CACNA2D3: variants seen among roughly 807,000 people sequenced by gnomAD.
CACNA2D3 encodes calcium voltage-gated channel auxiliary subunit alpha2delta 3.
A neutral mutation model predicts 160.6 loss-of-function variants in CACNA2D3; 60 were observed. The ratio of observed to expected loss-of-function variants is 0.37; its 90% CI spans 0.30 to 0.46. The LOEUF is 0.46. CACNA2D3 is among the 20% of genes least tolerant of loss of function. The probability of loss-of-function intolerance (pLI) is 1.00; values close to 1 mark genes in which losing one functional copy is unlikely to be tolerated. For missense variants in CACNA2D3, 1,205 were observed against 1,365.0 expected (o/e 0.88, Z 1.85); for synonymous variants, 558 against 492.9 (o/e 1.13, Z -1.75).
rs1335728445 is a variant in CACNA2D3, at chr3:54,538,046, A to G, written c.545-24754A>G. On this transcript the variant is annotated intron_variant, in intron 5 of 37. Transcript: ENST00000474759. ...GTGCTCCACCCTGCACAGTCACGTG[A>G]GTGTCCACCTGGGGAGTAGAACTCA... is the stretch of plus-strand genomic sequence containing the variant. 2.0e-5 allele frequency among the ~76,000 whole-genome samples: 3 copies of G among 152,204 alleles called. No individual in the cohort carries two copies. The East Asian group carries it at 5.8e-4, about 29-fold the overall frequency.
intron 4 of CACNA2D3, among the ~76,000 whole-genome samples, chr3:54,393,960 G>T (rs570929535): frequency 6.6e-6 from 1 of 152,274 alleles, no homozygotes; most frequent in Non-Finnish European, 1.5e-5. Flanking sequence ...TTGCCATTTT[G>T]GGTACCTTGT....
At chr3:54,562,761 T>C in intron 5 of CACNA2D3, 39 bp from the exon 6 acceptor site, 1 of 1,581,780 alleles carries the variant, frequency 6.3e-7, no homozygotes, top group Non-Finnish European at 8.6e-7. Context: ...TTCACTTTGG[T>C]TTCTAATACA....
At chr3:54,227,848 C>T (rs1701702583) in intron 2 of CACNA2D3, among the ~76,000 whole-genome samples, 1 of 152,192 alleles carries the variant, frequency 6.6e-6, no homozygotes, top group South Asian at 2.1e-4. Flanking sequence ...TGCACCCGGC[C>T]TGTCCACGTC....
chr3:54,813,655 C>CA (rs1005813241), intron 13 of CACNA2D3, among the ~76,000 whole-genome samples: 23 of 152,070 alleles, frequency 1.5e-4, no homozygotes, highest in Non-Finnish European at 3.4e-4. Flanking sequence ...AGGGAAGTAC[C>CA]AGTCACAGGT....
chr3:54,583,362 G>A (rs1158507799), intron 9 of CACNA2D3, among the ~76,000 whole-genome samples: 2 of 152,164 alleles, frequency 1.3e-5, no homozygotes, highest in African/African-American at 4.8e-5. Flanking sequence ...TTGCCTTTGA[G>A]TTTATGGATA....
intron 27 of CACNA2D3, among the ~76,000 whole-genome samples, chr3:54,936,177 A>C (rs1218688921): frequency 6.6e-6 from 1 of 151,916 alleles, no homozygotes; most frequent in Non-Finnish European, 1.5e-5. Context: ...AAAAAAAAAA[A>C]TCTTTTGCAC....
chr3:55,065,778 T>C (rs1271496656), intron 35 of CACNA2D3, among the ~76,000 whole-genome samples: 1 of 151,902 alleles, frequency 6.6e-6, no homozygotes, highest in Non-Finnish European at 1.5e-5. Context: ...AAAAAAATTG[T>C]TTCATGTTTC....
At chr3:54,382,144 A>C (rs904909147) in intron 3 of CACNA2D3, among the ~76,000 whole-genome samples, 3 of 152,196 alleles carry the variant, frequency 2.0e-5, no homozygotes, top group Non-Finnish European at 4.4e-5. Flanking sequence ...ACAATTCTAT[A>C]ATCCCATCTG....
chr3:54,933,060 CCTTCCTTCCTT>C (rs1701237460), intron 27 of CACNA2D3, among the ~76,000 whole-genome samples: 1 of 7,594 alleles, frequency 1.3e-4, no homozygotes, highest in Non-Finnish European at 2.5e-4. Context: ...TCCCTTCCTT[CCTTCCTTCCTT>C]CCTTCCTTCC....
At chr3:54,370,529 C>T (rs145109628) in intron 3 of CACNA2D3, among the ~76,000 whole-genome samples, 31 of 152,230 alleles carry the variant, frequency 2.0e-4, no homozygotes, top group Admixed American at 1.9e-3. Context: ...CCCTGGTGAG[C>T]GGATGAGAAC....
At chr3:54,301,989 G>A (rs967391515) in intron 2 of CACNA2D3, among the ~76,000 whole-genome samples, 15 of 152,142 alleles carry the variant, frequency 9.9e-5, no homozygotes, top group Non-Finnish European at 1.8e-4. Flanking sequence ...AACTACAAAA[G>A]CCTGTCAAAC....
intron 3 of CACNA2D3, among the ~76,000 whole-genome samples, chr3:54,345,760 C>T (rs78666811): frequency 6.6e-6 from 1 of 152,094 alleles, no homozygotes; most frequent in African/African-American, 2.4e-5. Context: ...TGGCCTCTAC[C>T]TTTGCTGTGG....
chr3:54,559,360 C>T lies in CACNA2D3; in HGVS notation c.545-3440C>T, dbSNP rs56001435. Reference sequence around the variant, plus strand: ...TCACCCAGGCTGGAGTGCAGTGGCGCGATCTCGGCTCAACCTCCGCCTCCC... The same window carrying T: ...TCACCCAGGCTGGAGTGCAGTGGCGTGATCTCGGCTCAACCTCCGCCTCCC... On this transcript the variant is annotated intron_variant, in intron 5 of 37. Transcript: ENST00000474759. Among the ~76,000 whole-genome samples, 1,313 of 152,128 alleles carry T rather than the reference C, an allele frequency of 8.6e-3. 7 individuals are homozygous for T. The highest frequency in any genetic ancestry group is 0.015 in the Non-Finnish European group (1,008 of 67,986).
intron 5 of CACNA2D3, among the ~76,000 whole-genome samples, chr3:54,528,201 C>A (rs912094189): frequency 2.6e-5 from 4 of 151,466 alleles, no homozygotes; most frequent in African/African-American, 9.7e-5. Context: ...AAAGCAGAGG[C>A]TTTGTATATG....
chr3:54,712,808 C>T (rs1020129596), intron 11 of CACNA2D3, among the ~76,000 whole-genome samples: 20 of 152,202 alleles, frequency 1.3e-4, no homozygotes, highest in South Asian at 4.1e-4. Context: ...CTATCTTGCA[C>T]GGCAGCACTA....
intron 13 of CACNA2D3, among the ~76,000 whole-genome samples, chr3:54,778,370 C>T (rs1702462836): frequency 6.6e-6 from 1 of 151,970 alleles, no homozygotes; most frequent in Admixed American, 6.6e-5. Flanking sequence ...GTCTCTAGAA[C>T]CAGCCCTGTA....
chr3:54,706,954 T>G (rs1700866730), intron 11 of CACNA2D3, among the ~76,000 whole-genome samples: 1 of 152,240 alleles, frequency 6.6e-6, no homozygotes, highest in Non-Finnish European at 1.5e-5. Flanking sequence ...CCTGGTCACA[T>G]TTTATGAAGC....
chr3:54,925,711 A>G (rs764059950), intron 27 of CACNA2D3, among the ~76,000 whole-genome samples: 1 of 152,234 alleles, frequency 6.6e-6, no homozygotes, highest in Non-Finnish European at 1.5e-5. Context: ...GCCAATAGCC[A>G]TGTGTGGCTA....
intron 27 of CACNA2D3, among the ~76,000 whole-genome samples, chr3:54,908,260 T>C (rs1354278363): frequency 3.3e-5 from 5 of 152,238 alleles, no homozygotes; most frequent in Admixed American, 2.6e-4. Context: ...TGTGAAGTGA[T>C]TTCTATTTCC....
Sources: gnomAD v4.1 joint callset for allele counts (sites outside exome capture counted in the v4.1 genomes callset) on GRCh38, gnomAD v4.1.1 for gene constraint, MANE v1.5 for transcripts, NCBI Gene and HGNC (gene_info 2026-07-23, HGNC 2026-07-21) for gene names.